The following B4GALT1 variants were observed in gnomAD, a reference collection of about 807,000 sequenced individuals.
B4GALT1 encodes N-acetyllactosamine synthase.
In B4GALT1, 16 loss-of-function variants were observed where a neutral mutation model predicts 34.9. The observed-to-expected ratio is 0.46, with a 90% CI of 0.31 to 0.70. B4GALT1 has a LOEUF of 0.70. B4GALT1 is among the 30% of genes least tolerant of loss of function. The probability of loss-of-function intolerance (pLI) is 0.05; values close to 1 mark genes in which losing one functional copy is unlikely to be tolerated. For missense variants in B4GALT1, 445 were observed against 530.5 expected (o/e 0.84, Z 1.58); for synonymous variants, 221 against 218.1 (o/e 1.01, Z -0.12).
At chr9:33,114,027 C>T (rs968761359) in intron 4 of B4GALT1, 149 bp from the exon 5 acceptor site, 14 of 749,750 alleles carry the variant, frequency 1.9e-5, no homozygotes, top group Middle Eastern at 5.3e-4. Flanking sequence ...CCCAGCCCAG[C>T]ATGACCCTGG....
At chr9:33,114,105 T>C (rs190761129) in intron 4 of B4GALT1, among the ~76,000 whole-genome samples, 1 of 152,358 alleles carries the variant, frequency 6.6e-6, no homozygotes, top group Non-Finnish European at 1.5e-5. Context: ...TTGACTACCA[T>C]GTGCCAGACA....
intron 1 of B4GALT1, among the ~76,000 whole-genome samples, chr9:33,145,037 G>T (rs1840406454): frequency 6.6e-6 from 1 of 152,168 alleles, no homozygotes; most frequent in African/African-American, 2.4e-5. Context: ...GCCAGACGAG[G>T]TCTTCACAGC....
rs1181900880 is a variant in B4GALT1 at position 33,126,609 on chromosome 9, T to TGG, written c.649-6004_649-6003insCC. Among the ~76,000 whole-genome samples, 460 of 152,002 alleles carry TGG rather than the reference T, an allele frequency of 3.0e-3. 21 individuals are homozygous for TGG. The highest frequency in any genetic ancestry group is 0.015 in the South Asian group (71 of 4,820). On this transcript the variant is annotated intron_variant, in intron 2 of 5. Coordinates refer to ENST00000379731, the MANE Select transcript of B4GALT1 (RefSeq NM_001497.4). The stretch of plus-strand genomic sequence containing the variant: ...TCTAGTTGTTAAACATTGTTAACTA[T>TGG]TGTTAACCATAGTTAACCATTGTTA...
At chr9:33,162,973 GA>G (rs930109382) in intron 1 of B4GALT1, among the ~76,000 whole-genome samples, 2 of 151,962 alleles carry the variant, frequency 1.3e-5, no homozygotes, top group African/African-American at 2.4e-5. Context: ...TATTTTCCAC[GA>G]AAAAAACAAC....
At chr9:33,156,246 A>C (rs1361383028) in intron 1 of B4GALT1, among the ~76,000 whole-genome samples, 2 of 151,790 alleles carry the variant, frequency 1.3e-5, no homozygotes, top group African/African-American at 4.8e-5. Context: ...CCATTCTCCC[A>C]CCTCAGCCTC....
At chr9:33,148,182 CA>C (rs2118230194) in intron 1 of B4GALT1, among the ~76,000 whole-genome samples, 1 of 152,108 alleles carries the variant, frequency 6.6e-6, no homozygotes, top group Non-Finnish European at 1.5e-5. Flanking sequence ...GAAAAACAGG[CA>C]AAGGATTATA....
At chr9:33,127,691 T>C (rs1840133032) in intron 2 of B4GALT1, among the ~76,000 whole-genome samples, 1 of 152,214 alleles carries the variant, frequency 6.6e-6, no homozygotes, top group African/African-American at 2.4e-5. Flanking sequence ...AATTCTACGA[T>C]CAACTACTAT....
chr9:33,170,458 G>A (rs538386121), upstream of B4GALT1, among the ~76,000 whole-genome samples: 11 of 152,280 alleles, frequency 7.2e-5, no homozygotes, highest in East Asian at 1.7e-3. Flanking sequence ...GTGAGGGTGG[G>A]TCAGATTAGT....
chr9:33,155,465 C>G (rs1564052589), intron 1 of B4GALT1, among the ~76,000 whole-genome samples: 1 of 152,230 alleles, frequency 6.6e-6, no homozygotes, highest in Non-Finnish European at 1.5e-5. Flanking sequence ...AATCACTCAG[C>G]TGTCTGTGGT....
Position 33,138,302 on chromosome 9 carries a change from T to C in B4GALT1, c.413-2878A>G, listed in dbSNP as rs549249826. ...TGATCTTTGGTATCCTGAGAGTGGA[T>C]AGTACAGCCACTCTCAGGGTACTGG... is the stretch of plus-strand genomic sequence containing the variant. On this transcript the variant is annotated intron_variant, in intron 1 of 5. Coordinates refer to ENST00000379731, the MANE Select transcript of B4GALT1 (RefSeq NM_001497.4). Among the ~76,000 whole-genome samples, 7 of 152,260 alleles carry C rather than the reference T, an allele frequency of 4.6e-5. No homozygotes were observed. In the South Asian group the frequency reaches 1.0e-3, roughly 23 times the overall value.
At chr9:33,150,870 G>A (rs1014695861) in intron 1 of B4GALT1, among the ~76,000 whole-genome samples, 2 of 152,108 alleles carry the variant, frequency 1.3e-5, no homozygotes, top group African/African-American at 4.8e-5. Flanking sequence ...AATAGAAGTG[G>A]GAATGAGGAC....
In B4GALT1 at chr9:33,166,844, C is replaced by A. The variant is rs1212313087; in HGVS notation, c.326G>T (p.Gly109Val). ...GACCGAGGTCAAGTTGCTAGCGGGG[C>A]CAGGGCCAGAATCCACGACTGGGCT... ...DSSPVVDSGPGPASNLTSVPV... is the reference protein window; with the variant it reads ...DSSPVVDSGPVPASNLTSVPV... Residue 109 changes from glycine to valine, a missense_variant, in exon 1 of 6, where the codon GGC (glycine) becomes GTC (valine). By Grantham distance (109) the Gly-to-Val change is moderately radical. Around this residue, in one of 3 missense-constraint regions of B4GALT1, gnomAD observed 349 missense variants for 395.5 expected, o/e 0.88. Transcript: ENST00000379731. 5.8e-6 allele frequency: 9 copies of A among 1,560,788 alleles called. No homozygotes were observed. The highest frequency in any genetic ancestry group is 7.8e-6 in the Non-Finnish European group (9 of 1,159,628).
intron 1 of B4GALT1, among the ~76,000 whole-genome samples, chr9:33,136,957 C>T (rs1840281505): frequency 6.6e-6 from 1 of 151,462 alleles, no homozygotes; most frequent in Non-Finnish European, 1.5e-5. Flanking sequence ...AAGCTGTGGG[C>T]CTGCTTCCTC....
intron 1 of B4GALT1, among the ~76,000 whole-genome samples, chr9:33,148,804 T>TAAAAAAAAAAAAAAA: frequency 7.8e-6 from 1 of 127,742 alleles, no homozygotes; most frequent in Non-Finnish European, 1.7e-5. Context: ...TGCCTAAAAG[T>TAAAAAAAAAAAAAAA]AAAAAAAAAA....
the B4GALT1 span, among the ~76,000 whole-genome samples, chr9:33,180,811 G>T: frequency 1.3e-5 from 2 of 152,156 alleles, no homozygotes; most frequent in East Asian, 3.8e-4. Flanking sequence ...GAGCCCTCCA[G>T]TACTATATAC....
At chr9:33,120,273 C>G (rs1840001575) in intron 3 of B4GALT1, 146 bp downstream of exon 3, 3 of 871,768 alleles carry the variant, frequency 3.4e-6, no homozygotes, top group Non-Finnish European at 5.6e-6. Flanking sequence ...TTCTTTCCAT[C>G]TCAACTAATA....
At chr9:33,157,534 GT>G (rs1840613626) in intron 1 of B4GALT1, among the ~76,000 whole-genome samples, 2 of 152,178 alleles carry the variant, frequency 1.3e-5, no homozygotes, top group African/African-American at 4.8e-5. Context: ...ATAAGATAAT[GT>G]TGGATAAAAA....
rs1456007010 is a variant in B4GALT1, at chr9:33,135,894, T to A, written c.413-470A>T. On this transcript the variant is annotated intron_variant, in intron 1 of 5. Transcript: ENST00000379731. ...TGATTCTAGCCTAACTGGGGAAGTG[T>A]GTGTGTGTGTGTGTGTATGTGTGTG... 3.8e-5 allele frequency among the ~76,000 whole-genome samples: 4 copies of A among 104,696 alleles called. No homozygotes were observed. The South Asian group carries it at 1.1e-3, about 30-fold the overall frequency. The allele number at this position is 104,696 out of a possible 152,430, so 68.7% of individuals were successfully genotyped here.
the B4GALT1 span, among the ~76,000 whole-genome samples, chr9:33,177,144 G>A: frequency 2.6e-5 from 4 of 152,148 alleles, no homozygotes; most frequent in Non-Finnish European, 5.9e-5. Flanking sequence ...CAGCCAAAGG[G>A]AGTAAGTTGG....
Sources: allele counts gnomAD v4.1 joint callset (sites outside exome capture counted in the v4.1 genomes callset), GRCh38; gene constraint gnomAD v4.1.1; regional missense constraint gnomAD v4.1.1; transcripts MANE v1.5; gene names NCBI Gene and HGNC (gene_info 2026-07-23, HGNC 2026-07-21).